SLC25A21: variants seen among roughly 807,000 people sequenced by gnomAD.
The protein encoded by SLC25A21 is mitochondrial 2-oxodicarboxylate carrier.
In SLC25A21, 47 loss-of-function variants were observed where a neutral mutation model predicts 43.8. That is an observed-to-expected ratio of 1.07 (90% CI 0.85 to 1.37). The LOEUF (loss-of-function observed/expected upper bound fraction) is 1.37, where lower values mean the gene tolerates loss of function less well. SLC25A21 is among the 40% of genes most tolerant of loss of function. SLC25A21 has a pLI of 0.00. For synonymous variants in SLC25A21, 131 were observed against 121.3 expected (o/e 1.08, Z -0.52); for missense variants, 352 against 350.2 (o/e 1.00, Z -0.04).
At chr14:36,734,644 T>C in intron 3 of SLC25A21, 71 bp from the exon 4 acceptor site, 1 of 1,207,224 alleles carries the variant, frequency 8.3e-7, no homozygotes, top group South Asian at 1.3e-5. Flanking sequence ...TTTGTTAAGA[T>C]AATCCTAAAG....
intron 2 of SLC25A21, among the ~76,000 whole-genome samples, chr14:36,829,702 T>C (rs755907365): frequency 1.1e-4 from 6 of 52,804 alleles, no homozygotes; most frequent in Non-Finnish European, 2.5e-4. Context: ...GTCAGCTGTC[T>C]AATGCTGGTT....
At chr14:36,836,864 G>C (rs1384031994) in intron 2 of SLC25A21, among the ~76,000 whole-genome samples, 2 of 152,176 alleles carry the variant, frequency 1.3e-5, no homozygotes, top group Non-Finnish European at 2.9e-5. Context: ...TATATTTGTA[G>C]TTAGAGGAGA....
chr14:36,730,742 G>A (rs4904765), intron 4 of SLC25A21, among the ~76,000 whole-genome samples: 110,842 of 152,058 alleles, frequency 0.73, 41,621 homozygotes, highest in African/African-American at 0.91. Context: ...TCATTCACTC[G>A]TTTAATAATA....
intron 2 of SLC25A21, among the ~76,000 whole-genome samples, chr14:36,867,427 T>C (rs1187740771): frequency 1.3e-5 from 2 of 152,110 alleles, no homozygotes; most frequent in African/African-American, 4.8e-5. Flanking sequence ...TTCAACAACA[T>C]TCACTGGGCA....
At chr14:36,911,844 G>T (rs1163924882) in intron 1 of SLC25A21, among the ~76,000 whole-genome samples, 1 of 152,162 alleles carries the variant, frequency 6.6e-6, no homozygotes, top group East Asian at 1.9e-4. Flanking sequence ...GTTTTGGAAT[G>T]ATTTGTTACA....
chr14:36,853,333 T>G (rs1358863779), intron 2 of SLC25A21, among the ~76,000 whole-genome samples: 2 of 152,218 alleles, frequency 1.3e-5, no homozygotes, highest in East Asian at 3.9e-4. Context: ...TGAACGCTTC[T>G]CATCATAACA....
intron 3 of SLC25A21, among the ~76,000 whole-genome samples, chr14:36,771,262 C>T (rs779982097): frequency 6.6e-6 from 1 of 151,828 alleles, no homozygotes; most frequent in Non-Finnish European, 1.5e-5. Flanking sequence ...ATGAGTCTTA[C>T]AAAAACAGAA....
In SLC25A21 at chr14:36,934,433, C is replaced by T. The variant is rs73254247; in HGVS notation, c.71-59429G>A. 9.1e-3 allele frequency among the ~76,000 whole-genome samples: 1,373 copies of T among 150,744 alleles called. 30 individuals carry two copies. The highest frequency in any genetic ancestry group is 0.031 in the African/African-American group (1,257 of 40,956). On this transcript the variant is annotated intron_variant, in intron 1 of 9. Coordinates refer to ENST00000331299, the MANE Select transcript of SLC25A21 (RefSeq NM_030631.4). ...TTAAAATTCCTGGAATCAAATTCTT[C>T]CTTACACTTAACCTGTGTCTGTTTT...
intron 1 of SLC25A21, among the ~76,000 whole-genome samples, chr14:37,022,469 C>T (rs1307448858): frequency 2.6e-5 from 4 of 152,090 alleles, no homozygotes; most frequent in East Asian, 1.9e-4. Flanking sequence ...AAAATCCAGT[C>T]ACTTGGGGTT....
rs563319336 is a variant in SLC25A21 at position 36,920,381 on chromosome 14, T to C, written c.71-45377A>G. ...AGATTCAAGTTGGTTTAACTATGTT[T>C]ACTTTTACATCATTTTTAAATCATG... On this transcript the variant is annotated intron_variant, in intron 1 of 9. Coordinates refer to ENST00000331299, the MANE Select transcript of SLC25A21 (RefSeq NM_030631.4). Among the ~76,000 whole-genome samples, 3 of 152,218 alleles carry C rather than the reference T, an allele frequency of 2.0e-5. No individual in the cohort carries two copies. The East Asian group carries it at 5.8e-4, about 29-fold the overall frequency.
intron 3 of SLC25A21, among the ~76,000 whole-genome samples, chr14:36,783,678 C>G (rs1025609575): frequency 1.3e-5 from 2 of 152,126 alleles, no homozygotes; most frequent in Admixed American, 1.3e-4. Context: ...TGAAACTATT[C>G]TTATCCTCTT....
intron 3 of SLC25A21, among the ~76,000 whole-genome samples, chr14:36,785,045 G>A (rs893442556): frequency 2.0e-5 from 3 of 152,110 alleles, no homozygotes; most frequent in African/African-American, 7.2e-5. Flanking sequence ...TCTACCAGAG[G>A]GGTGGTAGCC....
At chr14:36,978,697 T>C (rs993157378) in intron 1 of SLC25A21, among the ~76,000 whole-genome samples, 2 of 152,224 alleles carry the variant, frequency 1.3e-5, no homozygotes, top group Non-Finnish European at 2.9e-5. Context: ...ATACTATAAT[T>C]ACTTAACTTG....
At chr14:36,766,580 A>C (rs1295430705) in intron 3 of SLC25A21, among the ~76,000 whole-genome samples, 1 of 151,962 alleles carries the variant, frequency 6.6e-6, no homozygotes, top group Non-Finnish European at 1.5e-5. Flanking sequence ...TTTTCTTCAC[A>C]AGTTGCAACC....
intron 1 of SLC25A21, among the ~76,000 whole-genome samples, chr14:37,101,561 T>G (rs1235905804): frequency 6.6e-6 from 1 of 152,232 alleles, no homozygotes; most frequent in Non-Finnish European, 1.5e-5. Context: ...ATAATATTAT[T>G]TTAATTGTTA....
chr14:36,728,659 T>A (rs1043802698), intron 5 of SLC25A21, among the ~76,000 whole-genome samples: 4 of 152,228 alleles, frequency 2.6e-5, no homozygotes, highest in Admixed American at 6.5e-5. Flanking sequence ...TATGATTTTT[T>A]AAAAATAACA....
At chr14:36,909,091 TTGGAAGAA>T (rs1891613035) in intron 1 of SLC25A21, among the ~76,000 whole-genome samples, 1 of 151,840 alleles carries the variant, frequency 6.6e-6, no homozygotes, top group Admixed American at 6.6e-5. Flanking sequence ...GAAGGATGCA[TTGGAAGAA>T]TGAGGGAGGG....
At chr14:36,869,931 G>A (rs575416013) in intron 2 of SLC25A21, among the ~76,000 whole-genome samples, 1 of 152,304 alleles carries the variant, frequency 6.6e-6, no homozygotes, top group East Asian at 1.9e-4. Context: ...TATCTGCTAA[G>A]AGTTTGACAA....
At chr14:37,045,452 C>T (rs759366184) in intron 1 of SLC25A21, among the ~76,000 whole-genome samples, 3 of 152,144 alleles carry the variant, frequency 2.0e-5, no homozygotes, top group Non-Finnish European at 4.4e-5. Flanking sequence ...AAAAAAACTT[C>T]ACTAATATTT....
Sources: gnomAD v4.1 joint callset for allele counts (sites outside exome capture counted in the v4.1 genomes callset) on GRCh38, gnomAD v4.1.1 for gene constraint, MANE v1.5 for transcripts, NCBI Gene and HGNC (gene_info 2026-07-23, HGNC 2026-07-21) for gene names.